ZNF521: variants seen among roughly 807,000 people sequenced by gnomAD.
The protein encoded by ZNF521 is LYST-interacting protein 3.
A neutral mutation model predicts 105.5 loss-of-function variants in ZNF521; 14 were observed. The observed-to-expected ratio is 0.13, with a 90% CI of 0.09 to 0.21. The LOEUF is 0.21. ZNF521 is among the 10% of genes least tolerant of loss of function. The probability of loss-of-function intolerance (pLI) is 1.00; values close to 1 mark genes in which losing one functional copy is unlikely to be tolerated. For synonymous variants in ZNF521, 635 were observed against 606.0 expected, an observed-to-expected ratio of 1.05 and a Z score of -0.70; for missense variants, 1,233 against 1,629.7, an observed-to-expected ratio of 0.76 and a Z score of 4.19.
At chr18:25,345,037 C>T (rs764587363) in intron 2 of ZNF521, among the ~76,000 whole-genome samples, 20 of 152,126 alleles carry the variant, frequency 1.3e-4, no homozygotes, top group Non-Finnish European at 2.2e-4. Flanking sequence ...AAAATGAAAA[C>T]TCAAGCAAGT....
At chr18:25,338,569 C>T (rs146847002) in intron 2 of ZNF521, among the ~76,000 whole-genome samples, 14 of 152,104 alleles carry the variant, frequency 9.2e-5, no homozygotes, top group East Asian at 1.9e-4. Flanking sequence ...TGTGCCACCA[C>T]GCCAACTAAT....
intron 2 of ZNF521, among the ~76,000 whole-genome samples, chr18:25,344,799 A>C (rs2145219143): frequency 6.6e-6 from 1 of 152,350 alleles, no homozygotes; most frequent in South Asian, 2.1e-4. Flanking sequence ...TCCCTCTTAA[A>C]ATTAACTGAA....
intron 5 of ZNF521, among the ~76,000 whole-genome samples, chr18:25,167,237 C>T: frequency 6.6e-6 from 1 of 152,204 alleles, no homozygotes; most frequent in East Asian, 1.9e-4. Flanking sequence ...TTCACATTCA[C>T]AATTTTCCAC....
intron 3 of ZNF521, among the ~76,000 whole-genome samples, chr18:25,304,684 G>C (rs550519253): frequency 3.3e-5 from 5 of 152,266 alleles, no homozygotes; most frequent in African/African-American, 1.2e-4. Context: ...ATTTCCCAAT[G>C]ATTACTCTGG....
intron 3 of ZNF521, among the ~76,000 whole-genome samples, chr18:25,255,039 T>C (rs953892209): frequency 6.6e-6 from 1 of 152,166 alleles, no homozygotes; most frequent in African/African-American, 2.4e-5. Context: ...TTCCAAAGCA[T>C]GTGTATTGTC....
chr18:25,149,575 C>T (rs1310680379), intron 5 of ZNF521, among the ~76,000 whole-genome samples: 1 of 152,110 alleles, frequency 6.6e-6, no homozygotes, highest in Non-Finnish European at 1.5e-5. Flanking sequence ...AAGAGCTGGT[C>T]TCATCTCTTG....
intron 3 of ZNF521, among the ~76,000 whole-genome samples, chr18:25,255,426 A>C (rs1410498390): frequency 6.6e-6 from 1 of 152,148 alleles, no homozygotes; most frequent in Admixed American, 6.6e-5. Context: ...AAAATTACCA[A>C]TATAATCACT....
At chr18:25,065,566 T>C (rs1203808874) in intron 7 of ZNF521, among the ~76,000 whole-genome samples, 2 of 151,974 alleles carry the variant, frequency 1.3e-5, no homozygotes, top group African/African-American at 2.4e-5. Flanking sequence ...AAAAAAGGAA[T>C]ACTCAACCTG....
chr18:25,332,844 C>T (rs923607975), intron 2 of ZNF521, among the ~76,000 whole-genome samples: 15 of 152,020 alleles, frequency 9.9e-5, no homozygotes, highest in Non-Finnish European at 2.1e-4. Context: ...AATAAAGACA[C>T]GAGTGCCATT....
At chr18:25,242,106 C>G (rs1907377774) in intron 3 of ZNF521, among the ~76,000 whole-genome samples, 2 of 152,110 alleles carry the variant, frequency 1.3e-5, no homozygotes, top group South Asian at 4.1e-4. Flanking sequence ...ATAGTTGCAA[C>G]CTGTTATGTC....
At chr18:25,115,396 A>G (rs2034282409) in intron 5 of ZNF521, among the ~76,000 whole-genome samples, 3 of 152,164 alleles carry the variant, frequency 2.0e-5, no homozygotes, top group Admixed American at 2.0e-4. Flanking sequence ...GGGGGCTATT[A>G]TTAGAATTGG....
intron 6 of ZNF521, among the ~76,000 whole-genome samples, chr18:25,091,702 A>C (rs9961590): frequency 0.016 from 2,435 of 152,288 alleles, 75 homozygotes; most frequent in African/African-American, 0.055. Flanking sequence ...TCCAAATGGA[A>C]AAGTGCAAAC....
At chr18:25,145,857 T>A (rs2034932412) in intron 5 of ZNF521, among the ~76,000 whole-genome samples, 1 of 152,220 alleles carries the variant, frequency 6.6e-6, no homozygotes, top group South Asian at 2.1e-4. Context: ...CCTTCTAGTG[T>A]TTAATCTTCT....
intron 5 of ZNF521, among the ~76,000 whole-genome samples, chr18:25,121,272 C>T (rs2034437526): frequency 8.4e-6 from 1 of 119,648 alleles, no homozygotes; most frequent in South Asian, 2.7e-4. Context: ...TCTTCTTCTT[C>T]CTTTTTTTTT....
intron 2 of ZNF521, among the ~76,000 whole-genome samples, chr18:25,336,427 T>C (rs1913885187): frequency 6.6e-6 from 1 of 152,196 alleles, no homozygotes; most frequent in Non-Finnish European, 1.5e-5. Flanking sequence ...CAAGAACAAT[T>C]AGACTACCTT....
intron 3 of ZNF521, among the ~76,000 whole-genome samples, chr18:25,241,238 C>T (rs918170186): frequency 2.2e-4 from 34 of 152,162 alleles, no homozygotes; most frequent in African/African-American, 8.0e-4. Flanking sequence ...CTCGTCCAAA[C>T]GGTTTCACCT....
At chr18:25,168,005 C>T (rs969878150) in intron 5 of ZNF521, among the ~76,000 whole-genome samples, 4 of 152,112 alleles carry the variant, frequency 2.6e-5, no homozygotes, top group African/African-American at 4.8e-5. Context: ...AAACATTATG[C>T]GGTATCTTTT....
At position 25,225,898 on chromosome 18, in the gene ZNF521, G is replaced by T. The variant is rs769640255; in HGVS notation, c.2020C>A (p.Pro674Thr). 1 of 1,614,134 alleles carries T rather than the reference G, an allele frequency of 6.2e-7. No individual in the cohort carries two copies. The highest frequency in any genetic ancestry group is 1.7e-5 in the Admixed American group (1 of 60,032). Residue 674 changes from proline (P) to threonine (T), a missense_variant, in exon 4 of 8, where the codon CCC (proline) becomes ACC (threonine). Physicochemically the swap from Pro to Thr is conservative, Grantham distance 38. Transcript: ENST00000361524. This position sits in a 1 kb window ranked among gnomAD's most constrained non-coding sequence, Gnocchi z 5.6. ...LTCPQCNKEFPNQESLLKHVT... is the reference protein window; with the variant it reads ...LTCPQCNKEFTNQESLLKHVT... ...TGCTTCAGCAAGGATTCTTGGTTGG[G>T]GAATTCCTTGTTGCACTGAGGACAG...
intron 3 of ZNF521, among the ~76,000 whole-genome samples, chr18:25,251,599 A>G (rs751695433): frequency 6.6e-6 from 1 of 152,202 alleles, no homozygotes; most frequent in Non-Finnish European, 1.5e-5. Context: ...ATCCATATAC[A>G]GAAATCATAG....
Sources: gnomAD v4.1 joint callset for allele counts (sites outside exome capture counted in the v4.1 genomes callset) on GRCh38, gnomAD v4.1.1 for gene constraint, Gnocchi (gnomAD v3.1) non-coding constraint, MANE v1.5 for transcripts, NCBI Gene and HGNC (gene_info 2026-07-23, HGNC 2026-07-21) for gene names.